Variants in PTPRA observed in about 807,000 individuals in gnomAD.
PTPRA encodes protein tyrosine phosphatase receptor type A, also known as receptor-type tyrosine-protein phosphatase alpha.
Under a neutral mutation model 104.8 loss-of-function variants are expected in PTPRA, and 25 were observed. The ratio of observed to expected loss-of-function variants is 0.24; its 90% confidence interval spans 0.17 to 0.33. The LOEUF (loss-of-function observed/expected upper bound fraction) is 0.33. PTPRA is among the 10% of genes least tolerant of loss of function. PTPRA has a pLI of 1.00. For missense variants in PTPRA, 765 were observed against 1,015.3 expected, an observed-to-expected ratio of 0.75 and a Z score of 3.35; for synonymous variants, 323 against 368.9, an observed-to-expected ratio of 0.88 and a Z score of 1.43.
At position 2,925,570 on chromosome 20, in the gene PTPRA, T is replaced by G. The variant is rs141905477; in HGVS notation, c.-50+2285T>G. On this transcript the variant is annotated intron_variant, in intron 2 of 23. Coordinates refer to ENST00000399903, the MANE Select transcript of PTPRA (RefSeq NM_001385305.1). ...GGCTCACGCCTGTAATCCCAGCACT[T>G]TGGGAGGCCGAGGCAGGCGGATCAC... Among the ~76,000 whole-genome samples, 24 of 152,246 alleles carry G rather than the reference T, an allele frequency of 1.6e-4. No homozygotes were observed. In the East Asian group the frequency reaches 4.6e-3, roughly 29 times the overall value.
At chr20:2,935,995 G>A (rs1219241589) in intron 2 of PTPRA, among the ~76,000 whole-genome samples, 1 of 151,568 alleles carries the variant, frequency 6.6e-6, no homozygotes, top group African/African-American at 2.4e-5. Context: ...CTCCAGCCTG[G>A]GCGACAAGAG....
chr20:2,907,817 T>G (rs2059482097), intron 1 of PTPRA, among the ~76,000 whole-genome samples: 1 of 152,176 alleles, frequency 6.6e-6, no homozygotes, highest in South Asian at 2.1e-4. Context: ...CCTTGGTTTT[T>G]TTTTTAAACA....
rs554148292 is a variant in PTPRA at position 2,884,821 on chromosome 20, T to G, written c.-129+11061T>G. 5.4e-3 allele frequency among the ~76,000 whole-genome samples: 809 copies of G among 150,872 alleles called. 5 individuals are homozygous for G. The highest frequency in any genetic ancestry group is 0.017 in the African/African-American group (693 of 41,190). ...TTTTTTTGTTTTTTTTGTTTTTTTT[T>G]TTTTTTGAGACGGAGTCTCGCTCTG... On this transcript the variant is annotated intron_variant, in intron 1 of 23. Coordinates refer to ENST00000399903, the MANE Select transcript of PTPRA (RefSeq NM_001385305.1).
intron 5 of PTPRA, among the ~76,000 whole-genome samples, chr20:2,968,761 G>A (rs1214394633): frequency 6.6e-6 from 1 of 151,898 alleles, no homozygotes; most frequent in Non-Finnish European, 1.5e-5. Context: ...AAATGATTTA[G>A]AAATTAGCAG....
intron 1 of PTPRA, among the ~76,000 whole-genome samples, chr20:2,906,933 T>C (rs1314099622): frequency 1.3e-5 from 2 of 152,242 alleles, no homozygotes; most frequent in African/African-American, 4.8e-5. Flanking sequence ...AATTGCACTG[T>C]TAAATAGATA....
chr20:2,926,504 G>A (rs943800131), intron 2 of PTPRA, among the ~76,000 whole-genome samples: 1 of 152,098 alleles, frequency 6.6e-6, no homozygotes, highest in Admixed American at 6.6e-5. Flanking sequence ...ACCCTAATGA[G>A]CTCATCTCAA....
intron 1 of PTPRA, among the ~76,000 whole-genome samples, chr20:2,893,151 G>A (rs1395025859): frequency 6.6e-6 from 1 of 152,212 alleles, no homozygotes; most frequent in African/African-American, 2.4e-5. Context: ...TTTGAGGGCA[G>A]GGATTTATGG....
rs553142311 is a variant in PTPRA, at chr20:2,886,615, C to T, written c.-129+12855C>T. 3.1e-3 allele frequency among the ~76,000 whole-genome samples: 466 copies of T among 150,776 alleles called. 2 individuals are homozygous for T. The highest frequency in any genetic ancestry group is 0.01 in the African/African-American group (429 of 41,090). On this transcript the variant is annotated intron_variant, in intron 1 of 23. Coordinates refer to ENST00000399903, the MANE Select transcript of PTPRA (RefSeq NM_001385305.1). ...ATCCCAGCACTTTGGGAGGCCGAGG[C>T]GGGCGGATCACCTGAGGTTGGGAGT...
chr20:3,022,734 G>C lies in PTPRA; in HGVS notation c.1374G>C (p.Met458Ile). 6.2e-7 allele frequency: 1 copy of C among 1,614,228 alleles called. No homozygotes were observed. The highest frequency in any genetic ancestry group is 8.5e-7 in the Non-Finnish European group (1 of 1,180,048). Residue 458 changes from methionine (M) to isoleucine (I), a missense_variant, in exon 16 of 24, where the codon ATG (methionine) becomes ATC (isoleucine). This residue lies in a region of PTPRA where 245 missense variants were observed against 398.7 expected (regional missense o/e 0.61). Transcript: ENST00000399903. The surrounding 1 kb of genome is among the most constrained non-coding windows in gnomAD (Gnocchi z 4.6). Reference protein sequence around the residue: ...RTGTFVVIDAMLDMMHTERKV... With the variant: ...RTGTFVVIDAILDMMHTERKV... The stretch of plus-strand genomic sequence containing the variant: ...GTACCTTTGTCGTCATTGATGCCAT[G>C]CTGGACATGATGCATACAGAACGGA...
chr20:3,034,721 A>G (rs76470722), intron 20 of PTPRA, among the ~76,000 whole-genome samples: 2,551 of 152,238 alleles, frequency 0.017, 66 homozygotes, highest in African/African-American at 0.046. Flanking sequence ...GACTATTCAC[A>G]ATTTCTTTTT....
intron 3 of PTPRA, among the ~76,000 whole-genome samples, chr20:2,951,689 C>T (rs576852560): frequency 2.0e-5 from 3 of 152,294 alleles, no homozygotes; most frequent in African/African-American, 7.2e-5. Flanking sequence ...TGTTTTCATC[C>T]CATTCCATTG....
intron 3 of PTPRA, among the ~76,000 whole-genome samples, chr20:2,962,610 C>G (rs966063442): frequency 5.9e-5 from 9 of 152,156 alleles, no homozygotes; most frequent in African/African-American, 2.2e-4. Flanking sequence ...GGATTAGGCT[C>G]AGGTAGTAAT....
intron 1 of PTPRA, among the ~76,000 whole-genome samples, chr20:2,898,145 G>A (rs549947719): frequency 1.3e-5 from 2 of 151,878 alleles, no homozygotes; most frequent in Admixed American, 1.3e-4. Context: ...CGCCCAGGCT[G>A]GAGTGCAGTG....
chr20:3,012,982 G>GT (rs1002700065), intron 11 of PTPRA, among the ~76,000 whole-genome samples: 10 of 152,054 alleles, frequency 6.6e-5, no homozygotes, highest in Non-Finnish European at 1.2e-4. Context: ...ACAATTCAGT[G>GT]TTTTTTTAAG....
At chr20:2,955,118 T>C (rs2061491466) in intron 3 of PTPRA, among the ~76,000 whole-genome samples, 1 of 152,202 alleles carries the variant, frequency 6.6e-6, no homozygotes, top group South Asian at 2.1e-4. Flanking sequence ...ATTTCTCCCC[T>C]TTTTTTGTTC....
chr20:2,868,476 C>T (rs1250620557), upstream of PTPRA, among the ~76,000 whole-genome samples: 1 of 151,724 alleles, frequency 6.6e-6, no homozygotes, highest in Non-Finnish European at 1.5e-5. Context: ...ACTCCACCTC[C>T]TGATAGGGAG....
intron 1 of PTPRA, among the ~76,000 whole-genome samples, chr20:2,887,515 G>A (rs1322110611): frequency 6.6e-6 from 1 of 152,130 alleles, no homozygotes; most frequent in Non-Finnish European, 1.5e-5. Context: ...AAGCAGTAGA[G>A]GCATTAGGGT....
chr20:2,958,543 G>T (rs963356538), intron 3 of PTPRA, among the ~76,000 whole-genome samples: 8 of 151,100 alleles, frequency 5.3e-5, no homozygotes, highest in Admixed American at 5.3e-4. Context: ...CTGTTAAGCC[G>T]GGTACAGTGG....
At position 2,939,580 on chromosome 20, in the gene PTPRA, A is replaced by G. The variant is rs75147429; in HGVS notation, c.-49-8402A>G. On this transcript the variant is annotated intron_variant, in intron 2 of 23. Transcript: ENST00000399903. ...TCCCAGTTCTTTACCTAGAGAGGGC[A>G]GGCTTTTCTTGGCACTTTCTTGTCT... is the stretch of plus-strand genomic sequence containing the variant. Among the ~76,000 whole-genome samples, 710 of 152,260 alleles carry G rather than the reference A, an allele frequency of 4.7e-3. 2 individuals are homozygous for G. The highest frequency in any genetic ancestry group is 0.016 in the African/African-American group (683 of 41,546).
Sources: allele counts gnomAD v4.1 joint callset (sites outside exome capture counted in the v4.1 genomes callset), GRCh38; gene constraint gnomAD v4.1.1; regional missense constraint gnomAD v4.1.1; non-coding constraint Gnocchi (gnomAD v3.1); transcripts MANE v1.5; gene names NCBI Gene and HGNC (gene_info 2026-07-23, HGNC 2026-07-21).